ATP8B4: variants seen among roughly 807,000 people sequenced by gnomAD.
The protein encoded by ATP8B4 is probable phospholipid-transporting ATPase IM.
ATP8B4 carries 133 observed loss-of-function variants against 145.6 expected under a neutral mutation model. That is an observed-to-expected ratio of 0.91 (90% CI 0.79 to 1.05). The LOEUF is 1.05. ATP8B4 is among the 50% of genes least tolerant of loss of function. The probability of loss-of-function intolerance (pLI) is 0.00; values close to 1 mark genes in which losing one functional copy is unlikely to be tolerated. For missense variants in ATP8B4, 1,458 were observed against 1,425.2 expected, an observed-to-expected ratio of 1.02 and a Z score of -0.37; for synonymous variants, 507 against 492.9, an observed-to-expected ratio of 1.03 and a Z score of -0.38.
upstream of ATP8B4, among the ~76,000 whole-genome samples, chr15:50,122,398 T>C (rs1399808155): frequency 6.6e-6 from 1 of 152,158 alleles, no homozygotes; most frequent in Non-Finnish European, 1.5e-5. Flanking sequence ...GTCTCTGACA[T>C]TGAGAATGGG....
intron 3 of ATP8B4, among the ~76,000 whole-genome samples, chr15:50,065,304 T>C (rs904669671): frequency 3.9e-5 from 6 of 152,162 alleles, no homozygotes; most frequent in African/African-American, 1.4e-4. Flanking sequence ...TTCATAATAG[T>C]GGACATGAAG....
chr15:49,876,559 A>T (rs771345905), intron 24 of ATP8B4, 36 bp from the exon 25 acceptor site: 3 of 1,612,654 alleles, frequency 1.9e-6, no homozygotes, highest in Non-Finnish European at 2.5e-6. Flanking sequence ...GAGAAGGATT[A>T]AAAAGAGTCA....
chr15:49,952,504 T>C (rs778049115), intron 14 of ATP8B4, among the ~76,000 whole-genome samples: 2 of 152,206 alleles, frequency 1.3e-5, no homozygotes, highest in Non-Finnish European at 2.9e-5. Context: ...GATACTTGTG[T>C]ATATTTCACG....
At chr15:49,904,313 C>T (rs138583015) in intron 20 of ATP8B4, among the ~76,000 whole-genome samples, 6 of 152,116 alleles carry the variant, frequency 3.9e-5, no homozygotes, top group African/African-American at 1.4e-4. Flanking sequence ...TCCTTACTAC[C>T]CTACCTGAGA....
chr15:49,912,389 C>T (rs950251809), intron 20 of ATP8B4, among the ~76,000 whole-genome samples: 1 of 152,096 alleles, frequency 6.6e-6, no homozygotes, highest in Non-Finnish European at 1.5e-5. Context: ...ACTTTAAGAA[C>T]AACTATATGC....
intron 25 of ATP8B4, among the ~76,000 whole-genome samples, chr15:49,873,627 A>C (rs28478479): frequency 0.011 from 1,712 of 152,114 alleles, 38 homozygotes; most frequent in African/African-American, 0.04. Flanking sequence ...GCTTTTCTTG[A>C]ATTTCCTGCA....
intron 2 of ATP8B4, among the ~76,000 whole-genome samples, chr15:50,095,231 T>C (rs1739245694): frequency 1.3e-5 from 2 of 151,990 alleles, no homozygotes; most frequent in Admixed American, 1.3e-4. Flanking sequence ...AACCATGTCA[T>C]ATATTAGAGG....
intron 14 of ATP8B4, among the ~76,000 whole-genome samples, chr15:49,941,882 T>C (rs548229559): frequency 1.8e-4 from 27 of 152,276 alleles, no homozygotes; most frequent in African/African-American, 5.5e-4. Context: ...TAAAATGTTT[T>C]TTTGCAGCAA....
chr15:49,870,194 T>C (rs2033462742), intron 25 of ATP8B4, among the ~76,000 whole-genome samples: 1 of 152,192 alleles, frequency 6.6e-6, no homozygotes, highest in African/African-American at 2.4e-5. Context: ...GATCTGAATG[T>C]GTTGATTTGG....
intron 2 of ATP8B4, among the ~76,000 whole-genome samples, chr15:50,088,178 A>G (rs8038298): frequency 6.6e-6 from 1 of 152,022 alleles, no homozygotes; most frequent in Non-Finnish European, 1.5e-5. Context: ...ACCTGAGCAG[A>G]AGCTCGAGAC....
intron 9 of ATP8B4, among the ~76,000 whole-genome samples, chr15:49,991,235 A>G (rs2047022679): frequency 1.3e-5 from 2 of 152,162 alleles, no homozygotes; most frequent in African/African-American, 4.8e-5. Context: ...TTTTAATTAC[A>G]CACATGCTAT....
At chr15:49,914,174 A>C (rs1166643462) in intron 20 of ATP8B4, among the ~76,000 whole-genome samples, 1 of 152,128 alleles carries the variant, frequency 6.6e-6, no homozygotes, top group Non-Finnish European at 1.5e-5. Context: ...ATAAATCCAA[A>C]CATTTACAGT....
At chr15:50,172,568 A>C (rs1157343302) in intron 1 of ATP8B4, among the ~76,000 whole-genome samples, 2 of 151,038 alleles carry the variant, frequency 1.3e-5, no homozygotes, top group Non-Finnish European at 3.0e-5. Context: ...CCGCCACCCC[A>C]TCTGGGAAGT....
At chr15:50,002,059 A>G (rs898220751) in intron 8 of ATP8B4, 94 bp downstream of exon 8, 16 of 1,045,400 alleles carry the variant, frequency 1.5e-5, no homozygotes, top group Admixed American at 2.5e-5. Context: ...ATGTCTCCCA[A>G]GAAGATACTG....
At chr15:50,073,001 TATATATATATATATATATACAC>T (rs1378015046) in intron 3 of ATP8B4, among the ~76,000 whole-genome samples, 967 of 56,700 alleles carry the variant, frequency 0.017, 42 homozygotes, top group South Asian at 0.035. Context: ...TATATATATA[TATATATATATATATATATACAC>T]ACACACACAC....
At position 49,901,119 on chromosome 15, in the gene ATP8B4, A is replaced by G. The variant is rs777894159; in HGVS notation, c.2262T>C (p.Tyr754=). ...AACTGTGGCCATTTATGATTAAGGC[A>G]TAATCTCCTGTTATGGTTTCTTCTA... ...SIVEETITGD[Y]ALIINGHSLA... is the part of the protein sequence containing the mutation. The change falls in exon 21 of 28, where the codon TAT becomes TAC. Residue 754 remains tyrosine, a synonymous_variant. Coordinates refer to ENST00000284509, the MANE Select transcript of ATP8B4 (RefSeq NM_024837.4). 5.0e-6 allele frequency: 8 copies of G among 1,613,462 alleles called. No individual in the cohort carries two copies. Among genetic ancestry groups the G allele is most frequent in the Non-Finnish European group, 5.9e-6 (7 of 1,179,658 alleles).
intron 1 of ATP8B4, among the ~76,000 whole-genome samples, chr15:50,158,205 C>A (rs1265826321): frequency 6.6e-6 from 1 of 152,196 alleles, no homozygotes; most frequent in East Asian, 1.9e-4. Context: ...AGCGTCTCTG[C>A]CTGGCCGCCC....
chr15:49,952,338 T>G (rs2043176680), intron 14 of ATP8B4, among the ~76,000 whole-genome samples: 1 of 152,202 alleles, frequency 6.6e-6, no homozygotes, highest in Non-Finnish European at 1.5e-5. Flanking sequence ...CTCCAATCAA[T>G]CATAGGTTTG....
intron 3 of ATP8B4, among the ~76,000 whole-genome samples, chr15:50,052,941 G>C (rs1392905892): frequency 6.6e-6 from 1 of 152,168 alleles, no homozygotes; most frequent in Non-Finnish European, 1.5e-5. Flanking sequence ...GAAGTAACTT[G>C]AGATTTTTAT....
Sources: gnomAD v4.1 joint callset for allele counts (sites outside exome capture counted in the v4.1 genomes callset) on GRCh38, gnomAD v4.1.1 for gene constraint, MANE v1.5 for transcripts, NCBI Gene and HGNC (gene_info 2026-07-23, HGNC 2026-07-21) for gene names.